AMOTL1: variants seen among roughly 807,000 people sequenced by gnomAD.
AMOTL1 encodes angiomotin-like protein 1.
Under a neutral mutation model 102.9 loss-of-function variants are expected in AMOTL1, and 45 were observed. The observed-to-expected ratio is 0.44, with a 90% CI of 0.34 to 0.56. The LOEUF is 0.56. Among genes scored for constraint, AMOTL1 ranks in the 20% least tolerant of loss-of-function variants. The probability of loss-of-function intolerance (pLI) is 0.01; values close to 1 mark genes in which losing one functional copy is unlikely to be tolerated. For missense variants in AMOTL1, 1,114 were observed against 1,225.6 expected, an observed-to-expected ratio of 0.91 and a Z score of 1.36; for synonymous variants, 481 against 484.7, an observed-to-expected ratio of 0.99 and a Z score of 0.10.
intron 2 of AMOTL1, among the ~76,000 whole-genome samples, chr11:94,736,639 A>G (rs938325115): frequency 1.3e-5 from 2 of 152,186 alleles, no homozygotes; most frequent in African/African-American, 4.8e-5. Context: ...GCTCCTAACA[A>G]TCCAGTGAGG....
intron 8 of AMOTL1, 150 bp downstream of exon 8, chr11:94,854,232 C>A: frequency 1.9e-6 from 2 of 1,071,200 alleles, no homozygotes; most frequent in Non-Finnish European, 2.6e-6. Context: ...CATACAACAA[C>A]CAGGAGAGAA....
intron 8 of AMOTL1, among the ~76,000 whole-genome samples, chr11:94,858,192 C>T (rs1952705057): frequency 6.6e-6 from 1 of 152,142 alleles, no homozygotes; most frequent in Non-Finnish European, 1.5e-5. Flanking sequence ...TCTCATCTCG[C>T]TGGACTGGTT....
rs746530773 is a variant in AMOTL1, at chr11:94,821,607, G to A, written c.1199G>A (p.Gly400Glu). ...TCCTCCCAGACCTCTTCCGCCAGCGGGCCACTGCACTCTGTCTCCCTGCCG... is the reference window on the plus strand; with the variant it reads ...TCCTCCCAGACCTCTTCCGCCAGCGAGCCACTGCACTCTGTCTCCCTGCCG... The part of the protein sequence containing the change: ...PMSSQTSSAS[G>E]PLHSVSLPLP... Residue 400 changes from glycine to glutamate, a missense_variant, in exon 4 of 13, where the codon GGG becomes GAG. Transcript: ENST00000433060. The A allele has an allele frequency of 2.5e-6, 4 of 1,613,778 alleles. No homozygotes were observed. The highest frequency in any genetic ancestry group is 3.4e-6 in the Non-Finnish European group (4 of 1,179,848).
intron 3 of AMOTL1, among the ~76,000 whole-genome samples, chr11:94,808,144 A>C (rs908927316): frequency 6.9e-6 from 1 of 144,490 alleles, no homozygotes; most frequent in African/African-American, 2.6e-5. Flanking sequence ...CAATTTGCCC[A>C]CAAGGAAATT....
intron 9 of AMOTL1, among the ~76,000 whole-genome samples, chr11:94,860,802 C>T (rs1344243107): frequency 7.2e-5 from 11 of 152,022 alleles, no homozygotes; most frequent in Non-Finnish European, 1.5e-4. Flanking sequence ...GGACATGAAC[C>T]GAGAGAGGAG....
chr11:94,830,913 C>T (rs1238404171), intron 5 of AMOTL1, among the ~76,000 whole-genome samples: 1 of 152,202 alleles, frequency 6.6e-6, no homozygotes, highest in Non-Finnish European at 1.5e-5. Flanking sequence ...CCAGTGAATA[C>T]TTGTTGAGTT....
At chr11:94,717,518 G>T (rs1209989808) in intron 1 of AMOTL1, among the ~76,000 whole-genome samples, 1 of 151,712 alleles carries the variant, frequency 6.6e-6, no homozygotes, top group Admixed American at 6.6e-5. Flanking sequence ...ATTTGGAAAA[G>T]AAAGTTAAAG....
intron 3 of AMOTL1, among the ~76,000 whole-genome samples, chr11:94,805,370 G>A (rs1951550943): frequency 6.6e-6 from 1 of 152,128 alleles, no homozygotes; most frequent in Non-Finnish European, 1.5e-5. Flanking sequence ...GACAGCTGTG[G>A]GTGTGGGCTT....
At chr11:94,836,035 C>T (rs954113118) in intron 6 of AMOTL1, among the ~76,000 whole-genome samples, 1 of 152,130 alleles carries the variant, frequency 6.6e-6, no homozygotes, top group Non-Finnish European at 1.5e-5. Flanking sequence ...TAGCTATTTT[C>T]GTTTTCTGTC....
chr11:94,797,994 G>A (rs1344274447), intron 2 of AMOTL1, among the ~76,000 whole-genome samples: 2 of 152,188 alleles, frequency 1.3e-5, no homozygotes, highest in African/African-American at 4.8e-5. Context: ...GGGTCAGAGG[G>A]GTGGGTTTGG....
At chr11:94,846,115 G>A (rs1952405618) in intron 6 of AMOTL1, among the ~76,000 whole-genome samples, 2 of 152,106 alleles carry the variant, frequency 1.3e-5, no homozygotes, top group South Asian at 4.1e-4. Flanking sequence ...TCCAAGAGTT[G>A]GGGAGCATAG....
At chr11:94,802,440 T>C (rs368357255) in intron 3 of AMOTL1, among the ~76,000 whole-genome samples, 1 of 152,216 alleles carries the variant, frequency 6.6e-6, no homozygotes, top group East Asian at 1.9e-4. Context: ...TGTAAAGTAA[T>C]ATGTACATAC....
intron 3 of AMOTL1, among the ~76,000 whole-genome samples, chr11:94,756,228 A>G (rs1950723769): frequency 6.6e-6 from 1 of 152,048 alleles, no homozygotes; most frequent in Non-Finnish European, 1.5e-5. Context: ...TGGGCACAGG[A>G]TGGGGGGCGT....
Position 94,869,492 on chromosome 11 carries a change from C to G in AMOTL1, c.2764+19C>G. On this transcript the variant is annotated intron_variant, in intron 12 of 12. Transcript: ENST00000433060. ...AAACTGGGTATGTGGGCTACCCCAC[C>G]TTGATGCCCCTGAAAACTGTGGAAC... 1 of 1,571,858 alleles carries G rather than the reference C, an allele frequency of 6.4e-7. No homozygotes were observed. Among genetic ancestry groups the G allele is most frequent in the Non-Finnish European group, 8.6e-7 (1 of 1,157,528 alleles).
At chr11:94,751,736 G>A (rs1046912209) in intron 3 of AMOTL1, among the ~76,000 whole-genome samples, 1 of 151,018 alleles carries the variant, frequency 6.6e-6, no homozygotes, top group African/African-American at 2.4e-5. Context: ...GAGATCTGGA[G>A]TAATGGGATA....
At chr11:94,842,635 A>G (rs1952330067) in intron 6 of AMOTL1, among the ~76,000 whole-genome samples, 1 of 152,204 alleles carries the variant, frequency 6.6e-6, no homozygotes, top group Non-Finnish European at 1.5e-5. Context: ...CCCACATTTT[A>G]ACAGCAGCCA....
chr11:94,747,521 T>C (rs1565337534), intron 3 of AMOTL1, among the ~76,000 whole-genome samples: 1 of 152,234 alleles, frequency 6.6e-6, no homozygotes, highest in Non-Finnish European at 1.5e-5. Flanking sequence ...ATGACATTTG[T>C]ATAACTTCTT....
chr11:94,779,144 A>T (rs548813420), intron 1 of AMOTL1, among the ~76,000 whole-genome samples: 1 of 152,216 alleles, frequency 6.6e-6, no homozygotes, highest in Non-Finnish European at 1.5e-5. Flanking sequence ...CATCATTATC[A>T]TGTTATCATT....
intron 8 of AMOTL1, among the ~76,000 whole-genome samples, chr11:94,857,032 C>T (rs73518574): frequency 0.024 from 3,603 of 152,234 alleles, 69 homozygotes; most frequent in East Asian, 0.049. Context: ...GGCATGGAAT[C>T]GTGTGTTGAT....
Sources: gnomAD v4.1 joint callset for allele counts (sites outside exome capture counted in the v4.1 genomes callset) on GRCh38, gnomAD v4.1.1 for gene constraint, MANE v1.5 for transcripts, NCBI Gene and HGNC (gene_info 2026-07-23, HGNC 2026-07-21) for gene names.